Variants in SOX5 observed in about 807,000 individuals in gnomAD.
SOX5 encodes the protein SRY-box transcription factor 5.
Under a neutral mutation model 92.0 loss-of-function variants are expected in SOX5, and 9 were observed. The ratio of observed to expected loss-of-function variants is 0.10; its 90% CI spans 0.06 to 0.17. The LOEUF is 0.17. SOX5 is among the 10% of genes least tolerant of loss of function. SOX5 has a pLI of 1.00. For missense variants in SOX5, 642 were observed against 944.5 expected, an observed-to-expected ratio of 0.68 and a Z score of 4.20; for synonymous variants, 344 against 336.3, an observed-to-expected ratio of 1.02 and a Z score of -0.25.
intron 1 of SOX5, among the ~76,000 whole-genome samples, chr12:23,923,293 A>AATG (rs1938978644): frequency 5.4e-5 from 8 of 149,026 alleles, no homozygotes; most frequent in South Asian, 4.3e-4. Flanking sequence ...ACCCAAAAAT[A>AATG]AATGAATGAA....
intron 4 of SOX5, among the ~76,000 whole-genome samples, chr12:23,747,024 T>C (rs1317897172): frequency 1.3e-5 from 2 of 152,134 alleles, no homozygotes; most frequent in African/African-American, 2.4e-5. Context: ...CACAGCCATG[T>C]GGAACTGTAA....
chr12:24,193,779 G>A (rs568226897), intron 4 of SOX5, among the ~76,000 whole-genome samples: 2 of 152,138 alleles, frequency 1.3e-5, no homozygotes, highest in Non-Finnish European at 2.9e-5. Context: ...TTACAGTAGT[G>A]CAAGTGAAAT....
rs1951991617 is a variant in SOX5 at position 24,540,146 on chromosome 12, T to C, written c.-251+22183A>G. Among the ~76,000 whole-genome samples, 2 of 152,130 alleles carry C rather than the reference T, an allele frequency of 1.3e-5. 1 individual carries two copies. The highest frequency in any genetic ancestry group is 2.9e-5 in the Non-Finnish European group (2 of 67,972). On this transcript the variant is annotated intron_variant, in intron 1 of 4. Coordinates refer to the SOX5 transcript ENST00000446891. ...AAAATTATACTGAGATGTTCTCACG[T>C]AAGGACCTTATCTGAAGAATCTGCC...
intron 4 of SOX5, among the ~76,000 whole-genome samples, chr12:23,972,101 C>T (rs1322578850): frequency 6.6e-6 from 1 of 152,012 alleles, no homozygotes; most frequent in Non-Finnish European, 1.5e-5. Context: ...ATTGCTTTGG[C>T]CTAAGGATGG....
intron 4 of SOX5, among the ~76,000 whole-genome samples, chr12:24,195,496 A>G (rs1175860030): frequency 6.6e-6 from 1 of 152,244 alleles, no homozygotes; most frequent in African/African-American, 2.4e-5. Context: ...GATCATCTTT[A>G]TCATACATAT....
chr12:24,077,370 G>T (rs1400534996), intron 4 of SOX5, among the ~76,000 whole-genome samples: 1 of 152,036 alleles, frequency 6.6e-6, no homozygotes, highest in Admixed American at 6.6e-5. Context: ...CAATTCTTAC[G>T]ATACTCCATG....
chr12:23,880,747 A>G (rs961535772), intron 2 of SOX5, among the ~76,000 whole-genome samples: 4 of 152,210 alleles, frequency 2.6e-5, no homozygotes, highest in African/African-American at 9.7e-5. Context: ...CAAGTATGCC[A>G]TCTTGCTTTC....
chr12:24,243,843 G>A (rs1358947679), intron 3 of SOX5, among the ~76,000 whole-genome samples: 3 of 152,046 alleles, frequency 2.0e-5, no homozygotes, highest in African/African-American at 7.2e-5. Context: ...ACTACATGTG[G>A]AACTTCCACC....
At chr12:23,852,365 A>G (rs904217605) in intron 2 of SOX5, among the ~76,000 whole-genome samples, 4 of 152,152 alleles carry the variant, frequency 2.6e-5, no homozygotes, top group African/African-American at 4.8e-5. Flanking sequence ...GTTCAGGTAA[A>G]AAGATTATCA....
At chr12:24,371,881 G>A (rs771521817) in intron 1 of SOX5, among the ~76,000 whole-genome samples, 3 of 151,988 alleles carry the variant, frequency 2.0e-5, no homozygotes, top group Non-Finnish European at 2.9e-5. Flanking sequence ...CCAGCTACTC[G>A]TGAGGCTGAG....
chr12:24,492,701 T>C (rs1258548012), intron 1 of SOX5, among the ~76,000 whole-genome samples: 1 of 152,216 alleles, frequency 6.6e-6, no homozygotes, highest in Non-Finnish European at 1.5e-5. Flanking sequence ...TCTTAGAGTC[T>C]ACAAGTGATA....
At chr12:23,723,602 A>T (rs2092950759) in intron 6 of SOX5, among the ~76,000 whole-genome samples, 1 of 150,172 alleles carries the variant, frequency 6.7e-6, no homozygotes, top group Non-Finnish European at 1.5e-5. Context: ...ACACACACGC[A>T]CTCACACACA....
At chr12:24,495,605 C>G (rs766417012) in intron 1 of SOX5, among the ~76,000 whole-genome samples, 12 of 152,064 alleles carry the variant, frequency 7.9e-5, no homozygotes, top group Non-Finnish European at 1.6e-4. Context: ...AGGTCAGCCT[C>G]CAAAACAACA....
At chr12:23,774,362 T>C (rs1435109332) in intron 3 of SOX5, among the ~76,000 whole-genome samples, 1 of 152,224 alleles carries the variant, frequency 6.6e-6, no homozygotes, top group Non-Finnish European at 1.5e-5. Flanking sequence ...ATTTTGGTTA[T>C]AATTGTAAGT....
intron 3 of SOX5, among the ~76,000 whole-genome samples, chr12:23,760,753 C>G (rs2094541263): frequency 6.6e-6 from 1 of 152,078 alleles, no homozygotes; most frequent in South Asian, 2.1e-4. Context: ...ACAATGAGAC[C>G]TAGAGACTCA....
At chr12:23,905,944 A>C (rs545493743) in intron 1 of SOX5, among the ~76,000 whole-genome samples, 1 of 152,312 alleles carries the variant, frequency 6.6e-6, no homozygotes, top group Admixed American at 6.5e-5. Flanking sequence ...TCTGAGATAA[A>C]ACATTTGGTC....
intron 1 of SOX5, among the ~76,000 whole-genome samples, chr12:24,481,298 T>C (rs991353120): frequency 2.0e-5 from 3 of 152,078 alleles, no homozygotes; most frequent in African/African-American, 7.2e-5. Flanking sequence ...GATGTAGGGA[T>C]GGTTAATGGG....
chr12:24,413,327 C>T (rs1964453756), intron 1 of SOX5, among the ~76,000 whole-genome samples: 2 of 152,242 alleles, frequency 1.3e-5, no homozygotes, highest in East Asian at 3.9e-4. Context: ...TAGTAACTTT[C>T]CTTGCTCAAA....
Position 24,487,609 on chromosome 12 carries a change from A to T in SOX5, c.-251+74720T>A, listed in dbSNP as rs1345615020. Among the ~76,000 whole-genome samples, 3 of 152,328 alleles carry T rather than the reference A, an allele frequency of 2.0e-5. No homozygotes were observed. The East Asian group carries it at 5.8e-4, about 29-fold the overall frequency. On this transcript the variant is annotated intron_variant, in intron 1 of 4. Coordinates refer to the SOX5 transcript ENST00000446891. ...TTCATTTTAAAAATATGCAAGTTAA[A>T]ATCCCCCTTAAGACTCCATTTAAGA... is the stretch of plus-strand genomic sequence containing the variant.
Sources: gnomAD v4.1 joint callset for allele counts (sites outside exome capture counted in the v4.1 genomes callset) on GRCh38, gnomAD v4.1.1 for gene constraint, MANE v1.5 for transcripts, NCBI Gene and HGNC (gene_info 2026-07-23, HGNC 2026-07-21) for gene names.